The following STX16 variants were observed in gnomAD, a reference collection of about 807,000 sequenced individuals.
STX16 encodes the protein syntaxin 16, also known as syntaxin-16.
A neutral mutation model predicts 42.7 loss-of-function variants in STX16; 28 were observed. That is an observed-to-expected ratio of 0.66 (90% CI 0.49 to 0.90). STX16 has a LOEUF of 0.90. Among genes scored for constraint, STX16 ranks in the 40% least tolerant of loss-of-function variants. The pLI is 0.00. For missense variants in STX16, 361 were observed against 420.9 expected, an observed-to-expected ratio of 0.86 and a Z score of 1.24; for synonymous variants, 156 against 155.2, an observed-to-expected ratio of 1.00 and a Z score of -0.04.
Position 58,652,377 on chromosome 20 carries a change from C to CA in STX16, c.132+239_132+240insA, listed in dbSNP as rs992812298. 4.8e-5 allele frequency: 28 copies of CA among 586,200 alleles called. 2 individuals are homozygous for CA. The highest frequency in any genetic ancestry group is 6.8e-5 in the Admixed American group (3 of 44,222). 36.3% of individuals were successfully genotyped at this position (586,200 alleles called of 1,614,324 possible). Reference sequence around the variant, plus strand: ...TTCTCCTCACTTCCGCAGCACCCCCCCCCCCGCACCCCCCGCCTTGGCGTC... The same window carrying CA: ...TTCTCCTCACTTCCGCAGCACCCCCCACCCCCGCACCCCCCGCCTTGGCGTC... On this transcript the variant is annotated intron_variant, in intron 1 of 8. Coordinates refer to ENST00000371141, the MANE Select transcript of STX16 (RefSeq NM_001001433.3).
rs2084179021 is a variant in STX16, at chr20:58,678,126, TAGGTGTGGGG to T, written c.*1836_*1845del. Reference sequence around the variant, plus strand: ...CGTTCCAAGTTAGATCTGCTGCTCTTAGGTGTGGGGCTGTCCACATTAGGGAACTTGCCTC... The same window carrying T: ...CGTTCCAAGTTAGATCTGCTGCTCTTCTGTCCACATTAGGGAACTTGCCTC... On this transcript the variant is annotated 3_prime_UTR_variant, in exon 9 of 9. Coordinates refer to ENST00000371141, the MANE Select transcript of STX16 (RefSeq NM_001001433.3). 6.6e-6 allele frequency: 1 copy of T among 152,256 alleles called. No homozygotes were observed. The highest frequency in any genetic ancestry group is 1.5e-5 in the Non-Finnish European group (1 of 68,066). The allele number at this position is 152,256 out of a possible 1,614,324, so 9.4% of individuals were successfully genotyped here. A position where few individuals can be genotyped will look rare whatever the true frequency, so the allele number is the denominator to read the frequency against.
intron 5 of STX16, among the ~76,000 whole-genome samples, chr20:58,670,042 C>T (rs2083931998): frequency 1.3e-5 from 2 of 152,158 alleles, no homozygotes; most frequent in South Asian, 4.1e-4. Context: ...AATAAAGTCC[C>T]CACATACTCC....
intron 8 of STX16, among the ~76,000 whole-genome samples, chr20:58,675,728 T>C (rs6128396): frequency 0.74 from 112,596 of 152,182 alleles, 42,742 homozygotes; most frequent in African/African-American, 0.91. Flanking sequence ...CTCTTCCGGG[T>C]GTCTGTTGCC....
At chr20:58,675,945 T>A (rs1184896770) in intron 8 of STX16, among the ~76,000 whole-genome samples, 1 of 152,146 alleles carries the variant, frequency 6.6e-6, no homozygotes, top group Non-Finnish European at 1.5e-5. Context: ...GTCTTAGTAG[T>A]AGGTTTCCAA....
In STX16 at chr20:58,670,602, G is replaced by C. The variant is rs773294307; in HGVS notation, c.647G>C (p.Arg216Pro). ...GGAGACGATAACACTCTTTACCATC[G>C]GGTACGTGAACGGGCTGCAAAGCTG... ...DDGDDNTLYH[R>P]GFTEDQLVLV... The change falls in exon 6 of 9, where the codon CGG (arginine) becomes CCG (proline). Residue 216 changes from arginine (R) to proline (P), a missense_variant and splice_region_variant. Physicochemically the swap from Arg to Pro is moderately radical, Grantham distance 103. Coordinates refer to ENST00000371141, the MANE Select transcript of STX16 (RefSeq NM_001001433.3). 1 of 1,613,356 alleles carries C rather than the reference G, an allele frequency of 6.2e-7. No individual in the cohort carries two copies. The highest frequency in any genetic ancestry group is 1.3e-5 in the African/African-American group (1 of 74,882).
intron 3 of STX16, 31 bp downstream of exon 3, chr20:58,667,628 G>GT (rs777081932): frequency 1.9e-6 from 3 of 1,556,440 alleles, no homozygotes; most frequent in Non-Finnish European, 1.8e-6. Context: ...ATAGCATCTT[G>GT]TTTTTTTAAG....
At chr20:58,669,214 C>G in intron 4 of STX16, 77 bp from the exon 5 acceptor site, 1 of 1,499,502 alleles carries the variant, frequency 6.7e-7, no homozygotes, top group South Asian at 1.2e-5. Flanking sequence ...ACTTCTCACT[C>G]TGGCTTGTGA....
Position 58,651,989 on chromosome 20 carries a change from G to C in STX16, c.-18G>C, listed in dbSNP as rs992197128. 4 of 1,612,912 alleles carry C rather than the reference G, an allele frequency of 2.5e-6. No homozygotes were observed. The highest frequency in any genetic ancestry group is 2.7e-5 in the African/African-American group (2 of 74,924). ...GTGGGCGGGGGGCCCCTGAGAGGGG[G>C]GTCGCAAAGGGTGAGACATGGCCAC... On this transcript the variant is annotated 5_prime_UTR_variant, in exon 1 of 9. Coordinates refer to ENST00000371141, the MANE Select transcript of STX16 (RefSeq NM_001001433.3).
intron 8 of STX16, among the ~76,000 whole-genome samples, chr20:58,674,254 T>G (rs1422544035): frequency 6.6e-6 from 1 of 152,246 alleles, no homozygotes; most frequent in Admixed American, 6.5e-5. Context: ...TCTTTTATTC[T>G]GTGCTAATAA....
Position 58,673,671 on chromosome 20 carries a change from C to T in STX16, c.833C>T (p.Ser278Phe). The change falls in exon 8 of 9, where the codon TCC (serine) becomes TTC (phenylalanine). Residue 278 changes from serine to phenylalanine, a missense_variant. Transcript: ENST00000371141. Reference protein sequence around the residue: ...LDRIDYNVEQSCIKTEDGLKQ... With the variant: ...LDRIDYNVEQFCIKTEDGLKQ... The stretch of plus-strand genomic sequence containing the variant: ...AGAATTGACTATAACGTTGAACAGT[C>T]CTGTATCAAAACTGAAGATGGTTTG... The T allele has an allele frequency of 1.2e-6, 2 of 1,613,616 alleles. No individual in the cohort carries two copies. The highest frequency in any genetic ancestry group is 2.2e-5 in the South Asian group (2 of 91,046).
At chr20:58,673,497 T>C in intron 7 of STX16, 134 bp from the exon 8 acceptor site, 4 of 623,732 alleles carry the variant, frequency 6.4e-6, no homozygotes, top group Non-Finnish European at 1.1e-5. Flanking sequence ...GCCCTCCGTG[T>C]GTACCTGCAG....
chr20:58,661,663 G>A (rs939042589), intron 2 of STX16, among the ~76,000 whole-genome samples: 3 of 152,158 alleles, frequency 2.0e-5, no homozygotes, highest in Non-Finnish European at 4.4e-5. Flanking sequence ...GTTTCTTGTC[G>A]GATCACTCAG....
chr20:58,671,424 TTATGTGTGTGTGGG>T, intron 7 of STX16, 127 bp downstream of exon 7: 2 of 569,996 alleles, frequency 3.5e-6, no homozygotes, highest in Non-Finnish European at 2.9e-6. Context: ...CACCTGTCCT[TTATGTGTGTGTGGG>T]TGTGTGTGTG....
rs181622354 is a variant in STX16, at chr20:58,677,757, A to G, written c.*1466A>G. The G allele has an allele frequency of 6.6e-6, 1 of 152,340 alleles. No individual in the cohort carries two copies. The highest frequency in any genetic ancestry group is 1.9e-4 in the East Asian group (1 of 5,180). 9.4% of individuals were successfully genotyped at this position (152,340 alleles called of 1,614,324 possible). ...TAGAGTTGACTTTAAAGTTGTTTAC[A>G]GAAATTTAAACTCAATTCCAGAGAT... On this transcript the variant is annotated 3_prime_UTR_variant, in exon 9 of 9. Transcript: ENST00000371141.
At chr20:58,652,160 C>G in intron 1 of STX16, 22 bp downstream of exon 1, 2 of 1,612,688 alleles carry the variant, frequency 1.2e-6, no homozygotes, top group South Asian at 1.1e-5. Context: ...GGCGGCCTCT[C>G]CGACACACGG....
At chr20:58,652,256 A>G (rs1396263656) in intron 1 of STX16, 118 bp downstream of exon 1, 2 of 1,422,566 alleles carry the variant, frequency 1.4e-6, no homozygotes, top group East Asian at 2.5e-5. Context: ...TAAGACTAAG[A>G]ATAATAAGAT....
Position 58,656,953 on chromosome 20 carries a change from G to A in STX16, c.133-2670G>A, listed in dbSNP as rs568680185. ...AAGGAAACAGATTTTAGAGGAGGTA[G>A]GAAACTGGCCCAGTGTCACCCACCT... is the stretch of plus-strand genomic sequence containing the variant. On this transcript the variant is annotated intron_variant, in intron 1 of 8. Transcript: ENST00000371141. 1.1e-4 allele frequency among the ~76,000 whole-genome samples: 17 copies of A among 152,304 alleles called. No homozygotes were observed. The East Asian group carries it at 3.3e-3, about 29-fold the overall frequency.
intron 2 of STX16, among the ~76,000 whole-genome samples, chr20:58,662,290 C>T (rs368079562): frequency 7.9e-5 from 12 of 152,370 alleles, no homozygotes; most frequent in Non-Finnish European, 8.8e-5. Context: ...TAGGGAGCGG[C>T]GCTCCTCTGA....
chr20:58,677,967 T>A lies in STX16; in HGVS notation c.*1676T>A, dbSNP rs893623188. 2 of 152,242 alleles carry A rather than the reference T, an allele frequency of 1.3e-5. No homozygotes were observed. Among genetic ancestry groups the A allele is most frequent in the Non-Finnish European group, 2.9e-5 (2 of 68,068 alleles). 9.4% of individuals were successfully genotyped at this position (152,242 alleles called of 1,614,324 possible). A position where few individuals can be genotyped will look rare whatever the true frequency, so the allele number is the denominator to read the frequency against. ...CGGACCTGGTATTCCCTGACAAACA[T>A]TGCTTAGGAAAGAGGGCCGGAGAAT... On this transcript the variant is annotated 3_prime_UTR_variant, in exon 9 of 9. Transcript: ENST00000371141.
Sources: gnomAD v4.1 joint callset for allele counts (sites outside exome capture counted in the v4.1 genomes callset) on GRCh38, gnomAD v4.1.1 for gene constraint, MANE v1.5 for transcripts, NCBI Gene and HGNC (gene_info 2026-07-23, HGNC 2026-07-21) for gene names.